Variants in C8orf90 observed in about 807,000 individuals in gnomAD.
C8orf90 encodes the protein uncharacterized protein C8orf90.
At chr8:141,518,509 G>A in the C8orf90 span, 187 of 601,786 alleles carry the variant, frequency 3.1e-4, no homozygotes, top group East Asian at 3.5e-3. Context: ...GCCCCTGCAC[G>A]CCACGGCCCA....
At chr8:141,514,702 C>T in the C8orf90 span, 39 of 701,420 alleles carry the variant, frequency 5.6e-5, no homozygotes, top group Middle Eastern at 2.3e-4. Context: ...CTGGCATGGC[C>T]TCCTCTTGTC....
chr8:141,517,572 C>T, the C8orf90 span, among the ~76,000 whole-genome samples: 18 of 152,300 alleles, frequency 1.2e-4, no homozygotes, highest in African/African-American at 4.3e-4. Context: ...CCGCTCCCTC[C>T]TGGGGCCGCA....
the C8orf90 span, chr8:141,518,150 C>G: frequency 1.9e-6 from 1 of 529,934 alleles, no homozygotes; most frequent in South Asian, 2.4e-5. Context: ...CCTGGTCTCC[C>G]GCCTGCGCGG....
chr8:141,518,366 C>G, the C8orf90 span: 1 of 676,964 alleles, frequency 1.5e-6, no homozygotes, highest in South Asian at 1.5e-5. Context: ...GAGAACTTCA[C>G]GCTGCCCTTC....
chr8:141,518,257 G>C, the C8orf90 span: 1 of 623,356 alleles, frequency 1.6e-6, no homozygotes, highest in Admixed American at 2.5e-5. Context: ...GGACATCTAC[G>C]GCGGGGACGC....
At chr8:141,518,432 C>G in the C8orf90 span, 11 of 667,528 alleles carry the variant, frequency 1.6e-5, no homozygotes, top group Non-Finnish European at 2.7e-5. Flanking sequence ...TTCTACGACC[C>G]CCGCGACCGC....
At chr8:141,516,333 C>T in the C8orf90 span, among the ~76,000 whole-genome samples, 2 of 152,218 alleles carry the variant, frequency 1.3e-5, no homozygotes, top group African/African-American at 4.8e-5. Flanking sequence ...GTCTTTGCTG[C>T]CTCCACGTTC....
the C8orf90 span, among the ~76,000 whole-genome samples, chr8:141,516,060 C>T: frequency 3.3e-5 from 5 of 152,140 alleles, no homozygotes; most frequent in South Asian, 4.1e-4. Context: ...CTGTCCACCC[C>T]GGCCTGCTCC....
chr8:141,517,017 G>A, the C8orf90 span, among the ~76,000 whole-genome samples: 1 of 152,168 alleles, frequency 6.6e-6, no homozygotes, highest in Non-Finnish European at 1.5e-5. Context: ...CACACAGTAG[G>A]TGCTCAGTGA....
chr8:141,518,568 C>A, the C8orf90 span: 1 of 428,664 alleles, frequency 2.3e-6, no homozygotes, highest in Non-Finnish European at 4.0e-6. Flanking sequence ...TGAGCTGCGC[C>A]CGCGCGCGGG....
the C8orf90 span, among the ~76,000 whole-genome samples, chr8:141,516,790 C>A: frequency 6.6e-6 from 1 of 152,206 alleles, no homozygotes; most frequent in South Asian, 2.1e-4. Context: ...CCCAGCATGG[C>A]GCTGTCCACG....
chr8:141,515,689 C>T, the C8orf90 span, among the ~76,000 whole-genome samples: 1 of 152,112 alleles, frequency 6.6e-6, no homozygotes, highest in Non-Finnish European at 1.5e-5. Flanking sequence ...CCCCTCCTCA[C>T]ATCTTTGCCA....
the C8orf90 span, chr8:141,514,758 C>T: frequency 2.9e-6 from 2 of 701,276 alleles, no homozygotes; most frequent in Non-Finnish European, 5.2e-6. Context: ...TCTGTAGCCA[C>T]TCCAGGCGAG....
the C8orf90 span, among the ~76,000 whole-genome samples, chr8:141,516,730 A>G: frequency 6.6e-6 from 1 of 152,200 alleles, no homozygotes; most frequent in African/African-American, 2.4e-5. Context: ...AGAGCAGTCC[A>G]GGCTCTTGTG....
the C8orf90 span, chr8:141,518,255 A>G: frequency 1.6e-6 from 1 of 616,522 alleles, no homozygotes; most frequent in Non-Finnish European, 2.9e-6. Flanking sequence ...CCGGACATCT[A>G]CGGCGGGGAC....
At chr8:141,515,206 C>G in the C8orf90 span, among the ~76,000 whole-genome samples, 2 of 150,118 alleles carry the variant, frequency 1.3e-5, no homozygotes. Context: ...ATCCACCCAC[C>G]CATTCACCCA....
the C8orf90 span, chr8:141,518,710 A>T: frequency 2.0e-6 from 1 of 495,736 alleles, no homozygotes; most frequent in Non-Finnish European, 3.6e-6. Flanking sequence ...CGAACAGAAT[A>T]AATAAAGAGT....
At chr8:141,518,690 G>A in the C8orf90 span, 34 of 536,346 alleles carry the variant, frequency 6.3e-5, no homozygotes, top group Non-Finnish European at 1.0e-4. Context: ...CCCCGCCGCT[G>A]CCCCGAGAGC....
the C8orf90 span, among the ~76,000 whole-genome samples, chr8:141,517,973 G>A: frequency 3.9e-5 from 6 of 152,120 alleles, no homozygotes; most frequent in Non-Finnish European, 8.8e-5. Flanking sequence ...ATCCCCTTCC[G>A]TACACCCAGG....
Sources: allele counts gnomAD v4.1 joint callset (sites outside exome capture counted in the v4.1 genomes callset), GRCh38; gene constraint gnomAD v4.1.1; transcripts MANE v1.5; gene names NCBI Gene and HGNC (gene_info 2026-07-23, HGNC 2026-07-21).